Variants in FABP6 observed in about 807,000 individuals in gnomAD.
FABP6 encodes fatty acid binding protein 6.
Under a neutral mutation model 14.9 loss-of-function variants are expected in FABP6, and 13 were observed. That is an observed-to-expected ratio of 0.87 (90% confidence interval 0.57 to 1.39). The LOEUF (loss-of-function observed/expected upper bound fraction) is 1.39. Ranked by LOEUF, FABP6 falls within the 40% of genes most tolerant of loss-of-function variation. The pLI is 0.00. For missense variants in FABP6, 161 were observed against 167.2 expected, an observed-to-expected ratio of 0.96 and a Z score of 0.20; for synonymous variants, 75 against 63.6, an observed-to-expected ratio of 1.18 and a Z score of -0.85.
At chr5:160,190,322 T>C (rs990143135) in intron 1 of FABP6, among the ~76,000 whole-genome samples, 15 of 147,630 alleles carry the variant, frequency 1.0e-4, no homozygotes, top group Admixed American at 2.0e-4. Context: ...AACCTCCACC[T>C]CCCGGGTTCA....
chr5:160,205,267 G>A (rs1335805521), intron 2 of FABP6, among the ~76,000 whole-genome samples: 2 of 133,442 alleles, frequency 1.5e-5, no homozygotes, highest in African/African-American at 2.8e-5. Flanking sequence ...GCAGTGAGCC[G>A]AGATCGCACC....
intron 1 of FABP6, chr5:160,196,968 T>C (rs1366976304): frequency 2.0e-5 from 3 of 152,250 alleles, no homozygotes; most frequent in African/African-American, 7.2e-5. Flanking sequence ...CCAGACCTTA[T>C]TAGGCTACCG....
intron 3 of FABP6, among the ~76,000 whole-genome samples, chr5:160,223,561 A>G (rs568600067): frequency 3.0e-4 from 45 of 151,880 alleles, no homozygotes; most frequent in African/African-American, 1.0e-3. Context: ...AGCTGGGACT[A>G]CAGGCACACG....
At chr5:160,194,877 G>A (rs865936983) in intron 1 of FABP6, among the ~76,000 whole-genome samples, 1 of 152,300 alleles carries the variant, frequency 6.6e-6, no homozygotes, top group African/African-American at 2.4e-5. Flanking sequence ...CCGGAAAGCA[G>A]GGACCTTGAC....
intron 2 of FABP6, among the ~76,000 whole-genome samples, chr5:160,203,323 T>C (rs556927534): frequency 6.6e-6 from 1 of 152,316 alleles, no homozygotes; most frequent in East Asian, 1.9e-4. Flanking sequence ...CTCCTTATCA[T>C]GCTGTCTCAG....
chr5:160,235,048 C>A, intron 3 of FABP6, 139 bp downstream of exon 3: 1 of 563,038 alleles, frequency 1.8e-6, no homozygotes, highest in Non-Finnish European at 3.0e-6. Context: ...GTGCTGGATG[C>A]ACATGATGTC....
At chr5:160,223,792 A>T (rs1052978112) in intron 3 of FABP6, among the ~76,000 whole-genome samples, 1 of 151,680 alleles carries the variant, frequency 6.6e-6, no homozygotes, top group Admixed American at 6.6e-5. Context: ...ATTCCCTGAG[A>T]CACAATATCG....
chr5:160,234,063 G>A (rs1760452663), intron 2 of FABP6, among the ~76,000 whole-genome samples: 1 of 151,904 alleles, frequency 6.6e-6, no homozygotes, highest in South Asian at 2.1e-4. Context: ...GCGGCAGCAG[G>A]GTAAAGCAAA....
At chr5:160,218,284 T>C (rs994087377) in intron 3 of FABP6, among the ~76,000 whole-genome samples, 1 of 151,928 alleles carries the variant, frequency 6.6e-6, no homozygotes, top group Non-Finnish European at 1.5e-5. Flanking sequence ...TATCCAGATT[T>C]TGCAGATGAG....
rs555639423 is a variant in FABP6, at chr5:160,233,222, C to T, written c.243+949C>T. Among the ~76,000 whole-genome samples the T allele has an allele frequency of 8.6e-5, 13 of 151,986 alleles. No homozygotes were observed. The East Asian group carries it at 9.8e-4, about 11-fold the overall frequency. On this transcript the variant is annotated intron_variant, in intron 2 of 3. Transcript: ENST00000402432. ...GTCTCAAACTCCTGACCTTGTGATC[C>T]GCCCACCTTGACCTCCTAAAGTGCT...
intron 1 of FABP6, among the ~76,000 whole-genome samples, chr5:160,191,713 G>A (rs932823492): frequency 6.6e-6 from 1 of 150,828 alleles, no homozygotes; most frequent in Non-Finnish European, 1.5e-5. Context: ...TGTAATCCCA[G>A]CACTTTGGGA....
chr5:160,196,340 A>G (rs1319263377), intron 1 of FABP6, among the ~76,000 whole-genome samples: 1 of 152,202 alleles, frequency 6.6e-6, no homozygotes, highest in Non-Finnish European at 1.5e-5. Flanking sequence ...CTGCCCAAAC[A>G]TGAATCCAGG....
chr5:160,235,818 C>T (rs1354955711), intron 3 of FABP6, among the ~76,000 whole-genome samples: 2 of 152,076 alleles, frequency 1.3e-5, no homozygotes, highest in East Asian at 3.9e-4. Flanking sequence ...GCCCACATCT[C>T]AAGCCCTGTC....
chr5:160,230,728 G>A (rs755305752), intron 1 of FABP6, among the ~76,000 whole-genome samples: 4 of 152,314 alleles, frequency 2.6e-5, no homozygotes, highest in South Asian at 2.1e-4. Flanking sequence ...GGGACTCAGC[G>A]TGACTTGCCC....
intron 1 of FABP6, among the ~76,000 whole-genome samples, chr5:160,231,533 A>G (rs1365477366): frequency 2.0e-5 from 3 of 152,154 alleles, no homozygotes; most frequent in African/African-American, 7.2e-5. Flanking sequence ...AGCCAGTATT[A>G]CAGGCACCTG....
intron 1 of FABP6, among the ~76,000 whole-genome samples, chr5:160,190,914 C>A (rs1759380367): frequency 6.6e-6 from 1 of 150,762 alleles, no homozygotes; most frequent in African/African-American, 2.5e-5. Flanking sequence ...AGATCAAGAC[C>A]ATCCTGGCTA....
chr5:160,236,640 C>T (rs181411530), intron 3 of FABP6, among the ~76,000 whole-genome samples: 6 of 152,210 alleles, frequency 3.9e-5, no homozygotes, highest in South Asian at 2.1e-4. Context: ...CCCAGGCCCA[C>T]GGGTCTTTTT....
intron 2 of FABP6, among the ~76,000 whole-genome samples, chr5:160,207,923 C>T (rs1439918977): frequency 6.6e-6 from 1 of 152,068 alleles, no homozygotes; most frequent in Non-Finnish European, 1.5e-5. Flanking sequence ...GGAGTTTCAC[C>T]ATGTTGGCCA....
At chr5:160,232,541 A>G (rs1423841736) in intron 2 of FABP6, among the ~76,000 whole-genome samples, 1 of 152,190 alleles carries the variant, frequency 6.6e-6, no homozygotes, top group Non-Finnish European at 1.5e-5. Flanking sequence ...AATGCAGTTA[A>G]TCCTATGAAA....
Sources: allele counts gnomAD v4.1 joint callset (sites outside exome capture counted in the v4.1 genomes callset), GRCh38; gene constraint gnomAD v4.1.1; transcripts MANE v1.5; gene names NCBI Gene and HGNC (gene_info 2026-07-23, HGNC 2026-07-21).